Variants in TFDP2 observed in about 807,000 individuals in gnomAD.
TFDP2 encodes transcription factor Dp-2 (E2F dimerization partner 2).
Under a neutral mutation model 59.3 loss-of-function variants are expected in TFDP2, and 17 were observed. The observed-to-expected ratio is 0.29, with a 90% confidence interval of 0.20 to 0.43. The LOEUF is 0.43. Ranked by LOEUF, TFDP2 falls within the 20% of genes least tolerant of loss-of-function variation. TFDP2 has a pLI of 1.00. For missense variants in TFDP2, 391 were observed against 528.8 expected (o/e 0.74, Z 2.56); for synonymous variants, 180 against 194.7 (o/e 0.92, Z 0.63).
chr3:141,980,414 C>T (rs1056151706), intron 6 of TFDP2, among the ~76,000 whole-genome samples: 1 of 152,034 alleles, frequency 6.6e-6, no homozygotes. Context: ...CATTCCAATT[C>T]CATTCCTCTA....
At chr3:141,965,986 A>T (rs1937982748) in intron 9 of TFDP2, among the ~76,000 whole-genome samples, 1 of 148,744 alleles carries the variant, frequency 6.7e-6, no homozygotes, top group African/African-American at 2.4e-5. Flanking sequence ...CTGTTCCTAC[A>T]CTTTGCCTAA....
At chr3:142,100,764 C>T (rs1464439492) in intron 2 of TFDP2, among the ~76,000 whole-genome samples, 2 of 152,144 alleles carry the variant, frequency 1.3e-5, no homozygotes, top group Admixed American at 6.5e-5. Context: ...TTCCACCATC[C>T]TGGCTGGGGA....
chr3:142,061,791 G>C (rs2059918142), intron 3 of TFDP2, among the ~76,000 whole-genome samples: 1 of 151,358 alleles, frequency 6.6e-6, no homozygotes, highest in African/African-American at 2.4e-5. Context: ...CAGCTTTCCT[G>C]GTTCTCCAGG....
chr3:142,005,623 T>C, intron 3 of TFDP2, 79 bp from the exon 4 acceptor site: 1 of 870,934 alleles, frequency 1.1e-6, no homozygotes, highest in Non-Finnish European at 1.8e-6. Context: ...CCCATGGTCC[T>C]AATTCATTAT....
chr3:142,074,712 C>T (rs1030847554), intron 3 of TFDP2, among the ~76,000 whole-genome samples: 1 of 152,022 alleles, frequency 6.6e-6, no homozygotes, highest in Non-Finnish European at 1.5e-5. Flanking sequence ...ATTAGCCAGG[C>T]ATGGTGGCGG....
At chr3:141,963,664 C>T in intron 10 of TFDP2, 148 bp downstream of exon 10, 2 of 848,812 alleles carry the variant, frequency 2.4e-6, no homozygotes, top group East Asian at 2.6e-5. Context: ...GAAGATTGCA[C>T]CCATGGTTCA....
At chr3:142,091,142 T>C (rs1705612) in intron 3 of TFDP2, among the ~76,000 whole-genome samples, 135,576 of 152,184 alleles carry the variant, frequency 0.89, 60,640 homozygotes, top group African/African-American at 0.97. Context: ...GCTGAAGCTT[T>C]TAGGTAGCTT....
chr3:142,124,191 T>C (rs1463213280), intron 1 of TFDP2, among the ~76,000 whole-genome samples: 2 of 152,150 alleles, frequency 1.3e-5, no homozygotes, highest in African/African-American at 4.8e-5. Flanking sequence ...ATGAATAGAA[T>C]GAATCACAAT....
At chr3:141,987,265 T>TTG (rs56988461) in intron 6 of TFDP2, among the ~76,000 whole-genome samples, 4,358 of 132,870 alleles carry the variant, frequency 0.033, 75 homozygotes, top group South Asian at 0.11. Context: ...GCTGTCAGAT[T>TTG]TGTGTGTGTG....
intron 3 of TFDP2, among the ~76,000 whole-genome samples, chr3:142,069,044 T>C (rs1576895679): frequency 1.3e-5 from 2 of 151,944 alleles, no homozygotes; most frequent in South Asian, 4.2e-4. Flanking sequence ...GTCTCCTGAG[T>C]AGCTGGGATT....
At chr3:142,000,453 C>T (rs1362574257) in intron 4 of TFDP2, 25 of 519,700 alleles carry the variant, frequency 4.8e-5, no homozygotes, top group Non-Finnish European at 3.4e-6. Flanking sequence ...CATCACTTCC[C>T]AAAAGGCCCC....
intron 1 of TFDP2, among the ~76,000 whole-genome samples, chr3:142,127,022 G>A (rs899111214): frequency 6.7e-6 from 1 of 148,678 alleles, no homozygotes; most frequent in African/African-American, 2.5e-5. Context: ...AAACATATAT[G>A]TTATATATAC....
intron 9 of TFDP2, among the ~76,000 whole-genome samples, chr3:141,968,467 T>TC (rs1559937871): frequency 8.3e-5 from 8 of 95,870 alleles, no homozygotes; most frequent in African/African-American, 3.9e-4. Context: ...TATATAGATA[T>TC]ATATATAACA....
rs372342901 is a variant in TFDP2, at chr3:142,019,264, G to A, written c.83-13720C>T. On this transcript the variant is annotated intron_variant, in intron 3 of 12. Transcript: ENST00000489671. ...TTTTTAGTAGAGACGGGGTTTCACC[G>A]TGTTGCCCAGGCTGATCTTGAACTC... Among the ~76,000 whole-genome samples, 166 of 151,804 alleles carry A rather than the reference G, an allele frequency of 1.1e-3. 1 individual carries two copies. The highest frequency in any genetic ancestry group is 3.5e-3 in the African/African-American group (146 of 41,404).
At chr3:141,969,759 G>C (rs1939428073) in intron 9 of TFDP2, among the ~76,000 whole-genome samples, 2 of 152,160 alleles carry the variant, frequency 1.3e-5, no homozygotes, top group Non-Finnish European at 2.9e-5. Flanking sequence ...CCAAATTCGG[G>C]CTAAAATAAA....
intron 3 of TFDP2, among the ~76,000 whole-genome samples, chr3:142,082,103 A>T (rs1576933079): frequency 1.3e-5 from 2 of 152,054 alleles, no homozygotes; most frequent in Admixed American, 1.3e-4. Flanking sequence ...CCTGACCTCC[A>T]CCTCTGTCAG....
intron 1 of TFDP2, among the ~76,000 whole-genome samples, chr3:142,118,228 C>G (rs1267630681): frequency 6.6e-6 from 1 of 152,126 alleles, no homozygotes; most frequent in African/African-American, 2.4e-5. Context: ...AGAAAAGAAC[C>G]TTCACAAAAG....
At chr3:141,991,256 C>T (rs1942731814) in intron 6 of TFDP2, among the ~76,000 whole-genome samples, 1 of 151,896 alleles carries the variant, frequency 6.6e-6, no homozygotes, top group Non-Finnish European at 1.5e-5. Flanking sequence ...TTATGGTTTA[C>T]AAAAGTAATA....
At chr3:142,147,054 G>C (rs1400562460) in intron 1 of TFDP2, among the ~76,000 whole-genome samples, 1 of 116,194 alleles carries the variant, frequency 8.6e-6, no homozygotes, top group Non-Finnish European at 1.7e-5. Context: ...GAGAAACCCT[G>C]TCTCAAAAAA....
Sources: allele counts gnomAD v4.1 joint callset (sites outside exome capture counted in the v4.1 genomes callset), GRCh38; gene constraint gnomAD v4.1.1; transcripts MANE v1.5; gene names NCBI Gene and HGNC (gene_info 2026-07-23, HGNC 2026-07-21).